Variants in MAP3K13 observed in about 807,000 individuals in gnomAD.
The protein encoded by MAP3K13 is mitogen-activated protein kinase kinase kinase 13, also known as leucine zipper-bearing kinase.
Under a neutral mutation model 104.0 loss-of-function variants are expected in MAP3K13, and 52 were observed. The observed-to-expected ratio is 0.50, with a 90% CI of 0.40 to 0.63. The LOEUF is 0.63. Among genes scored for constraint, MAP3K13 ranks in the 20% least tolerant of loss-of-function variants. MAP3K13 has a pLI of 0.00. For synonymous variants in MAP3K13, 394 were observed against 442.2 expected, an observed-to-expected ratio of 0.89 and a Z score of 1.37; for missense variants, 914 against 1,218.5, an observed-to-expected ratio of 0.75 and a Z score of 3.72.
At chr3:185,384,639 G>T (rs768761454) in intron 1 of MAP3K13, among the ~76,000 whole-genome samples, 2 of 151,880 alleles carry the variant, frequency 1.3e-5, no homozygotes, top group Non-Finnish European at 2.9e-5. Flanking sequence ...TTATTTTTTT[G>T]ATAATAGCCA....
chr3:185,363,422 A>C, intron 1 of MAP3K13, 54 bp downstream of exon 1: 1 of 875,026 alleles, frequency 1.1e-6, no homozygotes, highest in Non-Finnish European at 1.4e-6. Context: ...TCACAAGGAC[A>C]GACAGAGAAT....
intron 1 of MAP3K13, among the ~76,000 whole-genome samples, chr3:185,426,835 A>C (rs1159450301): frequency 9.9e-5 from 15 of 152,218 alleles, no homozygotes; most frequent in Admixed American, 9.2e-4. Context: ...ACCTTTGAGC[A>C]CCTTTCCCTG....
intron 2 of MAP3K13, among the ~76,000 whole-genome samples, chr3:185,348,497 A>G (rs919749061): frequency 2.0e-5 from 3 of 152,122 alleles, no homozygotes; most frequent in African/African-American, 7.2e-5. Flanking sequence ...TTAGACAAGC[A>G]TTTTCTGTAA....
At chr3:185,456,778 T>C (rs999569095) in intron 7 of MAP3K13, among the ~76,000 whole-genome samples, 4 of 151,892 alleles carry the variant, frequency 2.6e-5, no homozygotes, top group Non-Finnish European at 5.9e-5. Flanking sequence ...ATTTTTGTAT[T>C]TTTAGTAGAG....
chr3:185,480,562 TTC>T (rs1463430421), intron 13 of MAP3K13, 33 bp downstream of exon 13: 2 of 1,595,686 alleles, frequency 1.3e-6, no homozygotes, highest in Admixed American at 1.7e-5. Flanking sequence ...CCCATCACTG[TTC>T]CCTTTTTTGC....
intron 2 of MAP3K13, among the ~76,000 whole-genome samples, chr3:185,357,290 CA>C (rs993428909): frequency 6.6e-6 from 1 of 150,412 alleles, no homozygotes; most frequent in African/African-American, 2.4e-5. Flanking sequence ...ACTAAAAATA[CA>C]AAAAAAATTA....
chr3:185,477,429 G>A (rs769036267), intron 12 of MAP3K13, 33 bp downstream of exon 12: 2 of 1,537,128 alleles, frequency 1.3e-6, no homozygotes, highest in Admixed American at 3.4e-5. Flanking sequence ...ATTGCTTTTA[G>A]TGGAATGGGG....
At chr3:185,329,236 G>T (rs1722157882) in intron 2 of MAP3K13, 1 of 703,058 alleles carries the variant, frequency 1.4e-6, no homozygotes, top group African/African-American at 1.7e-5. Context: ...AGTGTTTACA[G>T]TTAGAAAATA....
Position 185,332,498 on chromosome 3 carries a change from C to A in MAP3K13, c.-86+46855C>A, listed in dbSNP as rs1722323633. ...TCTTGTGCAACAGATTTCCAGGACA[C>A]TTCTGTCTTGTGAAACTGAAATTCT... On this transcript the variant is annotated intron_variant, in intron 2 of 14. Coordinates refer to the MAP3K13 transcript ENST00000424227. Among the ~76,000 whole-genome samples, 4 of 152,290 alleles carry A rather than the reference C, an allele frequency of 2.6e-5. No individual in the cohort carries two copies. In the South Asian group the frequency reaches 8.3e-4, roughly 32 times the overall value.
chr3:185,346,815 G>A (rs940590513), intron 2 of MAP3K13, among the ~76,000 whole-genome samples: 4 of 151,986 alleles, frequency 2.6e-5, no homozygotes, highest in Non-Finnish European at 5.9e-5. Flanking sequence ...TTTCCAAAGG[G>A]TGCAAGATTT....
intron 2 of MAP3K13, among the ~76,000 whole-genome samples, chr3:185,303,853 A>G (rs905928393): frequency 9.9e-5 from 15 of 151,674 alleles, no homozygotes; most frequent in African/African-American, 3.6e-4. Flanking sequence ...TTTCCTTCCT[A>G]ATACTAATAC....
intron 1 of MAP3K13, among the ~76,000 whole-genome samples, chr3:185,415,835 G>A (rs1024533322): frequency 1.3e-5 from 2 of 151,646 alleles, no homozygotes; most frequent in East Asian, 3.9e-4. Context: ...TGCCTGCCTC[G>A]ACCTCCCAAA....
intron 1 of MAP3K13, among the ~76,000 whole-genome samples, chr3:185,381,820 A>C (rs928977272): frequency 5.3e-5 from 8 of 152,262 alleles, no homozygotes; most frequent in Non-Finnish European, 1.2e-4. Flanking sequence ...AAGCACACAT[A>C]AAACAAGGTT....
At chr3:185,394,560 T>C (rs927289915) in intron 1 of MAP3K13, among the ~76,000 whole-genome samples, 6 of 152,230 alleles carry the variant, frequency 3.9e-5, no homozygotes, top group Admixed American at 3.3e-4. Flanking sequence ...CCCCAGATCA[T>C]ATAGCTACAT....
intron 11 of MAP3K13, among the ~76,000 whole-genome samples, chr3:185,476,160 CT>C (rs1718113141): frequency 6.6e-6 from 1 of 151,970 alleles, no homozygotes. Context: ...ATCTTTGAAC[CT>C]TTCTCATGCC....
chr3:185,378,550 G>T (rs191850093), intron 1 of MAP3K13, among the ~76,000 whole-genome samples: 325 of 152,250 alleles, frequency 2.1e-3, no homozygotes, highest in Middle Eastern at 6.8e-3. Context: ...AGGATTATAG[G>T]GTCGGGGAGC....
rs552178022 is a variant in MAP3K13 at position 185,376,868 on chromosome 3, T to C, written c.-86+13500T>C. Among the ~76,000 whole-genome samples the C allele has an allele frequency of 7.2e-5, 11 of 152,148 alleles. No homozygotes were observed. In the East Asian group the frequency reaches 2.1e-3, roughly 29 times the overall value. ...GTAATGGATGATGAAGAAATTTGGG[T>C]TTGACTAAAGTAATGGGGGCTGTCT... On this transcript the variant is annotated intron_variant, in intron 1 of 13. Transcript: ENST00000265026.
chr3:185,383,917 A>G (rs755505084), intron 1 of MAP3K13, among the ~76,000 whole-genome samples: 1 of 152,224 alleles, frequency 6.6e-6, no homozygotes, highest in East Asian at 1.9e-4. Flanking sequence ...TAGGATGTCC[A>G]TCATTGAACA....
intron 2 of MAP3K13, among the ~76,000 whole-genome samples, chr3:185,431,331 A>G (rs531673148): frequency 6.6e-6 from 1 of 152,350 alleles, no homozygotes; most frequent in East Asian, 1.9e-4. Flanking sequence ...AAATGATGTG[A>G]ATGTGCCAAT....
Sources: allele counts gnomAD v4.1 joint callset (sites outside exome capture counted in the v4.1 genomes callset), GRCh38; gene constraint gnomAD v4.1.1; transcripts MANE v1.5; gene names NCBI Gene and HGNC (gene_info 2026-07-23, HGNC 2026-07-21).